TACR1: variants seen among roughly 807,000 people sequenced by gnomAD.
TACR1 encodes substance-P receptor.
TACR1 carries 25 observed loss-of-function variants against 35.8 expected under a neutral mutation model. That is an observed-to-expected ratio of 0.70 (90% CI 0.51 to 0.98). The LOEUF (loss-of-function observed/expected upper bound fraction) is 0.98. TACR1 is among the 50% of genes least tolerant of loss of function. TACR1 has a pLI of 0.00. For missense variants in TACR1, 478 were observed against 522.9 expected (o/e 0.91, Z 0.84); for synonymous variants, 195 against 206.7 (o/e 0.94, Z 0.48).
intron 2 of TACR1, among the ~76,000 whole-genome samples, chr2:75,119,890 G>A (rs896917301): frequency 1.3e-4 from 20 of 152,168 alleles, no homozygotes; most frequent in Admixed American, 1.2e-3. Flanking sequence ...GGAAAAGGGA[G>A]CAGTGATATA....
At chr2:75,190,179 G>A (rs1370675088) in intron 1 of TACR1, among the ~76,000 whole-genome samples, 1 of 152,182 alleles carries the variant, frequency 6.6e-6, no homozygotes, top group Non-Finnish European at 1.5e-5. Context: ...AGCTATAAGA[G>A]CTTTTTGCAA....
chr2:75,095,523 G>A (rs748373284), intron 2 of TACR1, among the ~76,000 whole-genome samples: 2 of 152,186 alleles, frequency 1.3e-5, no homozygotes, highest in Non-Finnish European at 2.9e-5. Context: ...GAAAGCAGGG[G>A]CTGAGGTTTA....
At chr2:75,172,172 C>T (rs1179074149) in intron 1 of TACR1, among the ~76,000 whole-genome samples, 1 of 152,146 alleles carries the variant, frequency 6.6e-6, no homozygotes. Flanking sequence ...TTCTTACAAA[C>T]CCCATTGTTT....
intron 2 of TACR1, among the ~76,000 whole-genome samples, chr2:75,091,145 T>C (rs1157027406): frequency 6.9e-6 from 1 of 144,482 alleles, no homozygotes; most frequent in African/African-American, 2.6e-5. Context: ...TCACACATTA[T>C]AGTGCTTCAC....
intron 4 of TACR1, among the ~76,000 whole-genome samples, chr2:75,049,936 CTG>C (rs140294982): frequency 0.013 from 1,926 of 152,316 alleles, 41 homozygotes; most frequent in African/African-American, 0.044. Context: ...AAATCCAACA[CTG>C]GAACAATCTT....
chr2:75,059,475 CT>C (rs1672629259), intron 2 of TACR1, among the ~76,000 whole-genome samples: 1 of 148,134 alleles, frequency 6.8e-6, no homozygotes, highest in South Asian at 2.1e-4. Context: ...CACTTTAGAG[CT>C]TCTGATTTAA....
At position 75,172,534 on chromosome 2, in the gene TACR1, G is replaced by A. The variant is rs576348511; in HGVS notation, c.389+26012C>T. Among the ~76,000 whole-genome samples the A allele has an allele frequency of 2.0e-5, 3 of 152,032 alleles. No individual in the cohort carries two copies. In the East Asian group the frequency reaches 5.9e-4, roughly 30 times the overall value. On this transcript the variant is annotated intron_variant, in intron 1 of 4. Transcript: ENST00000305249. ...AGGGGCCTGAACACACATCTCAGAT[G>A]CCTGAGATGTGTGTTCCCTGTCCCT... is the stretch of plus-strand genomic sequence containing the variant.
At position 75,155,210 on chromosome 2, in the gene TACR1, G is replaced by A. The variant is rs1233215134; in HGVS notation, c.390-34442C>T. ...TCCAGGACCCTCTCTCCATTCTTGG[G>A]ATTGCAGCTCCTAACGTAGTTCTCC... On this transcript the variant is annotated intron_variant, in intron 1 of 4. Coordinates refer to ENST00000305249, the MANE Select transcript of TACR1 (RefSeq NM_001058.4). Among the ~76,000 whole-genome samples, 7 of 152,288 alleles carry A rather than the reference G, an allele frequency of 4.6e-5. No homozygotes were observed. In the East Asian group the frequency reaches 1.3e-3, roughly 29 times the overall value.
chr2:75,136,297 G>A (rs747619), intron 1 of TACR1, among the ~76,000 whole-genome samples: 87,609 of 152,028 alleles, frequency 0.58, 26,084 homozygotes, highest in African/African-American at 0.69. Context: ...TCACTTCTTC[G>A]TCCTTATCAG....
At chr2:75,198,109 A>AAG (rs2103643542) in intron 1 of TACR1, among the ~76,000 whole-genome samples, 1 of 152,336 alleles carries the variant, frequency 6.6e-6, no homozygotes, top group East Asian at 1.9e-4. Flanking sequence ...GGAAGGCAAC[A>AAG]AGAGGCTGTC....
chr2:75,196,122 G>A (rs1037865501), intron 1 of TACR1, among the ~76,000 whole-genome samples: 5 of 152,168 alleles, frequency 3.3e-5, no homozygotes, highest in African/African-American at 1.2e-4. Flanking sequence ...TGATTCAAAG[G>A]TTGTCTGTTA....
chr2:75,151,946 T>G (rs1409920209), intron 1 of TACR1, among the ~76,000 whole-genome samples: 1 of 152,206 alleles, frequency 6.6e-6, no homozygotes, highest in Non-Finnish European at 1.5e-5. Flanking sequence ...ACTTTAAAAT[T>G]TGACTGCCCA....
intron 2 of TACR1, among the ~76,000 whole-genome samples, chr2:75,066,479 G>A (rs1256971280): frequency 4.6e-5 from 7 of 152,164 alleles, no homozygotes; most frequent in Non-Finnish European, 1.0e-4. Flanking sequence ...TTTTATAATG[G>A]CAGATAATTT....
intron 1 of TACR1, among the ~76,000 whole-genome samples, chr2:75,178,976 A>G (rs1199937519): frequency 1.3e-5 from 2 of 152,150 alleles, no homozygotes; most frequent in African/African-American, 4.8e-5. Flanking sequence ...TTTTAGTTAT[A>G]TGTCAATAAG....
At chr2:75,095,624 T>C (rs1485096311) in intron 2 of TACR1, among the ~76,000 whole-genome samples, 1 of 152,136 alleles carries the variant, frequency 6.6e-6, no homozygotes, top group Non-Finnish European at 1.5e-5. Context: ...AATGCTTAGG[T>C]AAAGAAGCTG....
intron 1 of TACR1, among the ~76,000 whole-genome samples, chr2:75,152,894 T>G (rs1200517453): frequency 6.6e-6 from 1 of 152,196 alleles, no homozygotes; most frequent in Non-Finnish European, 1.5e-5. Flanking sequence ...CCAAGACTTC[T>G]TTTTTGTTTG....
chr2:75,174,037 T>C (rs1675353847), intron 1 of TACR1, among the ~76,000 whole-genome samples: 1 of 152,016 alleles, frequency 6.6e-6, no homozygotes, highest in South Asian at 2.1e-4. Flanking sequence ...CCTCACACAC[T>C]CTCCTGCCTC....
chr2:75,170,957 C>G (rs1675263938), intron 1 of TACR1, among the ~76,000 whole-genome samples: 1 of 152,126 alleles, frequency 6.6e-6, no homozygotes, highest in Non-Finnish European at 1.5e-5. Context: ...CATAAAAATT[C>G]AGAAAATTTG....
intron 2 of TACR1, among the ~76,000 whole-genome samples, chr2:75,067,168 G>T (rs1159859712): frequency 6.6e-6 from 1 of 152,214 alleles, no homozygotes; most frequent in Non-Finnish European, 1.5e-5. Context: ...GTGGTGGACA[G>T]TTGTTTGGGG....
Sources: gnomAD v4.1 joint callset for allele counts (sites outside exome capture counted in the v4.1 genomes callset) on GRCh38, gnomAD v4.1.1 for gene constraint, MANE v1.5 for transcripts, NCBI Gene and HGNC (gene_info 2026-07-23, HGNC 2026-07-21) for gene names.